Variants in ARIH2 observed in about 807,000 individuals in gnomAD.
ARIH2 encodes E3 ubiquitin-protein ligase ARIH2.
A neutral mutation model predicts 79.8 loss-of-function variants in ARIH2; 12 were observed. The observed-to-expected ratio is 0.15, with a 90% CI of 0.10 to 0.24. The LOEUF is 0.24. Ranked by LOEUF, ARIH2 falls within the 10% of genes least tolerant of loss-of-function variation. The pLI is 1.00. For synonymous variants in ARIH2, 224 were observed against 213.9 expected (o/e 1.05, Z -0.41); for missense variants, 301 against 618.3 (o/e 0.49, Z 5.44).
chr3:48,952,547 A>G (rs187388771), intron 3 of ARIH2, among the ~76,000 whole-genome samples: 1 of 152,216 alleles, frequency 6.6e-6, no homozygotes, highest in Non-Finnish European at 1.5e-5. Context: ...TTTCCATGTG[A>G]GTGAGGCCCT....
intron 3 of ARIH2, among the ~76,000 whole-genome samples, chr3:48,941,578 TTTTTC>T (rs1237498309): frequency 3.3e-5 from 5 of 151,850 alleles, no homozygotes; most frequent in African/African-American, 7.2e-5. Flanking sequence ...GAACTATTGA[TTTTTC>T]TTTTCTTTTC....
intron 1 of ARIH2, among the ~76,000 whole-genome samples, chr3:48,920,151 T>A (rs1166445670): frequency 6.6e-6 from 1 of 151,926 alleles, no homozygotes; most frequent in Non-Finnish European, 1.5e-5. Context: ...GGCTAATTTG[T>A]AAAATTTTTT....
intron 11 of ARIH2, among the ~76,000 whole-genome samples, chr3:48,979,000 T>C (rs1043198020): frequency 7.2e-5 from 11 of 152,094 alleles, no homozygotes; most frequent in African/African-American, 2.7e-4. Flanking sequence ...ATGTGTTTTT[T>C]AAAATAGAAG....
chr3:48,968,986 C>T (rs957603956), intron 7 of ARIH2, among the ~76,000 whole-genome samples: 5 of 152,142 alleles, frequency 3.3e-5, no homozygotes, highest in East Asian at 1.9e-4. Flanking sequence ...CAGGTTTAAG[C>T]GATTCTCCTG....
chr3:48,940,809 AT>A (rs1469530548), intron 3 of ARIH2, among the ~76,000 whole-genome samples: 389 of 47,074 alleles, frequency 8.3e-3, no homozygotes, highest in Non-Finnish European at 0.015. Context: ...AAAAAAAAAA[AT>A]ATATATATAT....
At chr3:48,970,928 A>T (rs2092189926) in intron 8 of ARIH2, 5 of 443,360 alleles carry the variant, frequency 1.1e-5, no homozygotes, top group Admixed American at 3.8e-5. Flanking sequence ...GGTTCTTGGA[A>T]AATGTGTTGT....
chr3:48,955,075 G>A (rs1274045324), intron 3 of ARIH2, among the ~76,000 whole-genome samples: 5 of 152,158 alleles, frequency 3.3e-5, no homozygotes, highest in African/African-American at 1.2e-4. Flanking sequence ...TTGAGTGCCT[G>A]TAATCCCAGC....
chr3:48,926,363 G>A (rs1427451969), intron 2 of ARIH2, among the ~76,000 whole-genome samples: 1 of 151,952 alleles, frequency 6.6e-6, no homozygotes, highest in East Asian at 1.9e-4. Flanking sequence ...CGCCTCCTGG[G>A]TTCAAGCGTT....
intron 3 of ARIH2, chr3:48,934,906 C>A: frequency 1.2e-5 from 12 of 985,306 alleles, no homozygotes; most frequent in Non-Finnish European, 1.4e-5. Context: ...TGCTTTCTGT[C>A]TACCTCAGGA....
In ARIH2 at chr3:48,970,768, C is replaced by T; in HGVS notation, c.770+64C>T. 4 of 1,300,214 alleles carry T rather than the reference C, an allele frequency of 3.1e-6. No individual in the cohort carries two copies. The Admixed American group carries it at 6.9e-5, about 23-fold the overall frequency. 80.5% of individuals were successfully genotyped at this position (1,300,214 alleles called of 1,614,324 possible). ...TGCCCCATCCTCCAAAGCACCACTG[C>T]TGTTGCTCCATGTGAGGGCGGCACT... On this transcript the variant is annotated intron_variant, in intron 8 of 15. Coordinates refer to ENST00000356401, the MANE Select transcript of ARIH2 (RefSeq NM_006321.4).
chr3:48,941,309 A>G (rs1443382055), intron 3 of ARIH2, among the ~76,000 whole-genome samples: 1 of 152,232 alleles, frequency 6.6e-6, no homozygotes, highest in African/African-American at 2.4e-5. Context: ...TACAAAAGTA[A>G]CTGATGGAGG....
At chr3:48,956,263 C>T (rs1267051103) in intron 3 of ARIH2, among the ~76,000 whole-genome samples, 3 of 150,230 alleles carry the variant, frequency 2.0e-5, no homozygotes, top group Non-Finnish European at 3.0e-5. Context: ...CTCAGCCTCC[C>T]GAATACCTGG....
rs367571108 is a variant in ARIH2 at position 48,939,524 on chromosome 3, G to A, written c.255+11711G>A. ...TGTAATCCCAGCACTTTGGGAGGCC[G>A]AGGCGGGTGGATCATGAGGTCAGGA... is the stretch of plus-strand genomic sequence containing the variant. On this transcript the variant is annotated intron_variant, in intron 3 of 15. Coordinates refer to ENST00000356401, the MANE Select transcript of ARIH2 (RefSeq NM_006321.4). Among the ~76,000 whole-genome samples the A allele has an allele frequency of 1.3e-4, 20 of 151,766 alleles. No individual in the cohort carries two copies. In the East Asian group the frequency reaches 2.5e-3, roughly 19 times the overall value.
chr3:48,975,016 C>A, intron 11 of ARIH2, 37 bp downstream of exon 11: 2 of 1,614,194 alleles, frequency 1.2e-6, no homozygotes, highest in South Asian at 2.2e-5. Context: ...CCCAGTGGCA[C>A]TTTCTTGTGG....
intron 3 of ARIH2, among the ~76,000 whole-genome samples, chr3:48,939,790 A>G (rs1309345548): frequency 6.6e-6 from 1 of 150,574 alleles, no homozygotes; most frequent in Non-Finnish European, 1.5e-5. Context: ...AAACAAAAAA[A>G]CAAAAAAAAA....
chr3:48,921,467 CTG>C (rs1269224540), intron 1 of ARIH2: 1 of 137,914 alleles, frequency 7.3e-6, no homozygotes, highest in Non-Finnish European at 1.5e-5. Flanking sequence ...CGGAGTCTCA[CTG>C]TGTTGCCCAG....
intron 3 of ARIH2, among the ~76,000 whole-genome samples, chr3:48,946,024 C>G (rs1029800510): frequency 4.1e-4 from 62 of 152,142 alleles, no homozygotes; most frequent in Admixed American, 3.7e-3. Context: ...TTTCAGTTCT[C>G]TAGTCTCTAA....
At chr3:48,947,645 A>G (rs750155711) in intron 3 of ARIH2, among the ~76,000 whole-genome samples, 1 of 152,242 alleles carries the variant, frequency 6.6e-6, no homozygotes, top group African/African-American at 2.4e-5. Flanking sequence ...GTCAAAGTAT[A>G]CTGTTTGATG....
At position 48,918,850 on chromosome 3, in the gene ARIH2, G is replaced by C; in HGVS notation, c.-310G>C. The C allele has an allele frequency of 1.2e-6, 2 of 1,611,212 alleles. No homozygotes were observed. Among genetic ancestry groups the C allele is most frequent in the Non-Finnish European group, 1.7e-6 (2 of 1,179,676 alleles). On this transcript the variant is annotated 5_prime_UTR_variant, in exon 1 of 16. Coordinates refer to ENST00000356401, the MANE Select transcript of ARIH2 (RefSeq NM_006321.4). ...CGGCGCCAAGCACTTCCGGAGCTGT[G>C]GGGACGACTCTTCTGGAGGAAGCAG...
Sources: gnomAD v4.1 joint callset for allele counts (sites outside exome capture counted in the v4.1 genomes callset) on GRCh38, gnomAD v4.1.1 for gene constraint, MANE v1.5 for transcripts, NCBI Gene and HGNC (gene_info 2026-07-23, HGNC 2026-07-21) for gene names.